SLC17A5: variants seen among roughly 807,000 people sequenced by gnomAD.
SLC17A5 encodes the protein solute carrier family 17 member 5.
SLC17A5 carries 47 observed loss-of-function variants against 59.4 expected under a neutral mutation model. That is an observed-to-expected ratio of 0.79 (90% CI 0.63 to 1.01). The LOEUF (loss-of-function observed/expected upper bound fraction) is 1.01, where lower values mean the gene tolerates loss of function less well. SLC17A5 is among the 50% of genes least tolerant of loss of function. SLC17A5 has a pLI of 0.00. For synonymous variants in SLC17A5, 202 were observed against 210.7 expected (o/e 0.96, Z 0.36); for missense variants, 522 against 595.5 (o/e 0.88, Z 1.28).
intron 10 of SLC17A5, 143 bp downstream of exon 10, chr6:73,600,208 C>G (rs1478877444): frequency 1.4e-6 from 1 of 700,434 alleles, no homozygotes; most frequent in Non-Finnish European, 2.5e-6. Context: ...ACTTTCCCAT[C>G]CATTAAGGCA....
rs1769448555 is a variant in SLC17A5, at chr6:73,644,570, G to T, written c.128C>A (p.Ala43Glu). ...GAAGAAACCAAAAAAGGCCAAAATT[G>T]CTAAGTTGTAACGAGCAGAGCAGCA... Reference protein sequence around the residue: ...PVCCSARYNLAILAFFGFFIV... With the variant: ...PVCCSARYNLEILAFFGFFIV... Residue 43 changes from alanine to glutamate, a missense_variant, in exon 2 of 11, where the codon GCA becomes GAA. Ala to Glu is a moderately radical substitution (Grantham distance 107). Coordinates refer to ENST00000355773, the MANE Select transcript of SLC17A5 (RefSeq NM_012434.5). 6.2e-7 allele frequency: 1 copy of T among 1,614,012 alleles called. No homozygotes were observed. Among genetic ancestry groups the T allele is most frequent in the Non-Finnish European group, 8.5e-7 (1 of 1,180,012 alleles).
At chr6:73,612,174 G>A (rs1421550518) in intron 8 of SLC17A5, among the ~76,000 whole-genome samples, 2 of 146,762 alleles carry the variant, frequency 1.4e-5, no homozygotes, top group Non-Finnish European at 3.0e-5. Flanking sequence ...CACCATGCCT[G>A]GCTAATTTTT....
chr6:73,648,051 A>G (rs537170033), intron 1 of SLC17A5, among the ~76,000 whole-genome samples: 1 of 152,280 alleles, frequency 6.6e-6, no homozygotes, highest in South Asian at 2.1e-4. Flanking sequence ...CCTGGGGGAC[A>G]AGAGCGAGAC....
At chr6:73,650,692 A>G (rs1477831264) in intron 1 of SLC17A5, among the ~76,000 whole-genome samples, 4 of 148,104 alleles carry the variant, frequency 2.7e-5, no homozygotes, top group Non-Finnish European at 4.5e-5. Flanking sequence ...GAGATCCTGA[A>G]AAAAAAAAAA....
At chr6:73,608,464 G>A (rs1023153874) in intron 9 of SLC17A5, among the ~76,000 whole-genome samples, 1 of 152,128 alleles carries the variant, frequency 6.6e-6, no homozygotes, top group Non-Finnish European at 1.5e-5. Flanking sequence ...AACTACTACT[G>A]TAAAAGACAG....
intron 2 of SLC17A5, among the ~76,000 whole-genome samples, chr6:73,642,426 C>G (rs1171630341): frequency 6.6e-6 from 1 of 152,180 alleles, no homozygotes; most frequent in Admixed American, 6.5e-5. Flanking sequence ...AATGTGTGAT[C>G]TGGGAAGAGG....
Position 73,600,461 on chromosome 6 carries a change from G to T in SLC17A5, c.1260-20C>A. The stretch of plus-strand genomic sequence containing the variant: ...GCATACCTGTAGAAACATTTTCATA[G>T]ACGTTTATTATTGTGATACACATTT... On this transcript the variant is annotated intron_variant, in intron 9 of 10. Coordinates refer to ENST00000355773, the MANE Select transcript of SLC17A5 (RefSeq NM_012434.5). 6.5e-7 allele frequency: 1 copy of T among 1,538,846 alleles called. No homozygotes were observed. The highest frequency in any genetic ancestry group is 9.0e-7 in the Non-Finnish European group (1 of 1,112,090).
chr6:73,626,666 A>C (rs1171887825), intron 6 of SLC17A5, among the ~76,000 whole-genome samples: 1 of 152,246 alleles, frequency 6.6e-6, no homozygotes, highest in East Asian at 1.9e-4. Flanking sequence ...CAGGGTAACC[A>C]GTAGTTACAT....
chr6:73,602,017 G>T (rs1444828266), intron 9 of SLC17A5, among the ~76,000 whole-genome samples: 1 of 152,088 alleles, frequency 6.6e-6, no homozygotes, highest in Non-Finnish European at 1.5e-5. Context: ...GTGGGGAAAA[G>T]ATTGAGAAAT....
At chr6:73,617,608 C>T (rs1581968016) in intron 7 of SLC17A5, among the ~76,000 whole-genome samples, 1 of 152,328 alleles carries the variant, frequency 6.6e-6, no homozygotes, top group East Asian at 1.9e-4. Flanking sequence ...CTTTGGGAGG[C>T]CAAGGCAGGC....
chr6:73,616,607 C>CTT (rs767486363), intron 7 of SLC17A5, among the ~76,000 whole-genome samples: 7 of 138,716 alleles, frequency 5.0e-5, no homozygotes, highest in Non-Finnish European at 4.7e-5. Flanking sequence ...ACTGGAGAGT[C>CTT]TTTTTTTTTT....
At chr6:73,614,740 C>T (rs1052171233) in intron 8 of SLC17A5, among the ~76,000 whole-genome samples, 1 of 152,098 alleles carries the variant, frequency 6.6e-6, no homozygotes, top group Admixed American at 6.6e-5. Context: ...CTTTTGCGGT[C>T]GGGGTTCTTG....
chr6:73,625,968 G>A (rs1270237512), intron 6 of SLC17A5, among the ~76,000 whole-genome samples: 2 of 152,188 alleles, frequency 1.3e-5, no homozygotes, highest in Non-Finnish European at 2.9e-5. Flanking sequence ...TCAGGGCAGA[G>A]AGGATTTTAG....
At chr6:73,601,396 C>T (rs1451567993) in intron 9 of SLC17A5, among the ~76,000 whole-genome samples, 18 of 146,224 alleles carry the variant, frequency 1.2e-4, no homozygotes, top group Admixed American at 6.1e-4. Context: ...GCAGCCGCCC[C>T]GTCCGGGAGG....
intron 1 of SLC17A5, among the ~76,000 whole-genome samples, chr6:73,645,773 G>C (rs1769516484): frequency 8.3e-6 from 1 of 121,032 alleles, no homozygotes; most frequent in Non-Finnish European, 1.6e-5. Context: ...GGGCGACAGA[G>C]ACAGAGACTC....
chr6:73,606,553 A>T (rs1239055241), intron 9 of SLC17A5, among the ~76,000 whole-genome samples: 1 of 152,138 alleles, frequency 6.6e-6, no homozygotes, highest in East Asian at 1.9e-4. Flanking sequence ...TCAGGGTTGG[A>T]CCTGGGTCTT....
At chr6:73,598,144 T>G (rs192400464) in intron 10 of SLC17A5, among the ~76,000 whole-genome samples, 12 of 152,346 alleles carry the variant, frequency 7.9e-5, no homozygotes, top group African/African-American at 2.9e-4. Flanking sequence ...ATGAGTGAAC[T>G]TAAAATCAAT....
intron 10 of SLC17A5, among the ~76,000 whole-genome samples, chr6:73,596,868 A>AAAACAAAACG (rs1766830992): frequency 6.6e-6 from 1 of 151,556 alleles, no homozygotes; most frequent in Non-Finnish European, 1.5e-5. Flanking sequence ...AAAACAAAAC[A>AAAACAAAACG]AAACAAAACT....
chr6:73,633,390 A>G (rs929409126), intron 6 of SLC17A5, among the ~76,000 whole-genome samples: 3 of 151,902 alleles, frequency 2.0e-5, no homozygotes, highest in East Asian at 3.9e-4. Flanking sequence ...AAGAAATGTT[A>G]AAGAGTACAT....
Sources: allele counts gnomAD v4.1 joint callset (sites outside exome capture counted in the v4.1 genomes callset), GRCh38; gene constraint gnomAD v4.1.1; transcripts MANE v1.5; gene names NCBI Gene and HGNC (gene_info 2026-07-23, HGNC 2026-07-21).